The following PCDHGB2 variants were observed in gnomAD, a reference collection of about 807,000 sequenced individuals.
PCDHGB2 encodes protocadherin gamma-B2.
PCDHGB2 carries 55 observed loss-of-function variants against 59.3 expected under a neutral mutation model. The ratio of observed to expected loss-of-function variants is 0.93; its 90% CI spans 0.75 to 1.16. The LOEUF is 1.16. Ranked by LOEUF, PCDHGB2 falls within the 50% of genes most tolerant of loss-of-function variation. PCDHGB2 has a pLI of 0.00. For missense variants in PCDHGB2, 1,228 were observed against 1,198.5 expected (o/e 1.02, Z -0.36); for synonymous variants, 516 against 512.0 (o/e 1.01, Z -0.11).
chr5:141,367,937 T>G (rs1345542732), intron 1 of PCDHGB2, among the ~76,000 whole-genome samples: 1 of 152,236 alleles, frequency 6.6e-6, no homozygotes, highest in African/African-American at 2.4e-5. Flanking sequence ...TAAAGATGGT[T>G]CAAAATTTTA....
intron 1 of PCDHGB2, chr5:141,414,828 G>A (rs780047810): frequency 1.4e-5 from 22 of 1,614,092 alleles, no homozygotes; most frequent in Non-Finnish European, 1.8e-5. Flanking sequence ...GCAACGTGTC[G>A]TTGAGCCTGT....
At position 141,370,526 on chromosome 5, in the gene PCDHGB2, C is replaced by T. The variant is rs533530770; in HGVS notation, c.2421+7970C>T. 25 of 1,613,860 alleles carry T rather than the reference C, an allele frequency of 1.5e-5. No individual in the cohort carries two copies. In the East Asian group the frequency reaches 4.0e-4, roughly 26 times the overall value. ...CTATTCCCGAGGAGCTGGACAGGGG[C>T]TCGCTGGTAGGGAACCTCGCCAAGG... On this transcript the variant is annotated intron_variant, in intron 1 of 3. Transcript: ENST00000522605.
At chr5:141,442,129 G>T in intron 1 of PCDHGB2, 1 of 165,104 alleles carries the variant, frequency 6.1e-6, no homozygotes, top group Non-Finnish European at 1.3e-5. Flanking sequence ...CCGACAGCCT[G>T]CAGGAGACTC....
In PCDHGB2 at chr5:141,431,354, G is replaced by T. The variant is rs777198567; in HGVS notation, c.2422-63453G>T. The T allele has an allele frequency of 1.9e-6, 3 of 1,614,036 alleles. No individual in the cohort carries two copies. In the South Asian group the frequency reaches 3.3e-5, roughly 18 times the overall value. ...GTACCCCGAATTGGTGCTGAAACGC[G>T]CCCTGGACCGCGAAGAAAAGGCTGC... On this transcript the variant is annotated intron_variant, in intron 1 of 3. Coordinates refer to ENST00000522605, the MANE Select transcript of PCDHGB2 (RefSeq NM_018923.3). This position sits in a 1 kb window ranked among gnomAD's most constrained non-coding sequence, Gnocchi z 4.8.
chr5:141,391,780 T>C (rs1004185174), intron 1 of PCDHGB2: 1 of 152,220 alleles, frequency 6.6e-6, no homozygotes, highest in Non-Finnish European at 1.5e-5. Context: ...TAGTCATTAC[T>C]TTTTGCAGTT....
Position 141,512,270 on chromosome 5 carries a change from G to C in PCDHGB2, c.*1097G>C, listed in dbSNP as rs1188941232. On this transcript the variant is annotated 3_prime_UTR_variant, in exon 4 of 4. Transcript: ENST00000522605. ...TCTGTGGGTGCTGGGTACTCCAGAG[G>C]TGCCACTGGTGGAAGGGTCAGCGGA... 6.5e-6 allele frequency: 1 copy of C among 152,714 alleles called. No homozygotes were observed. The highest frequency in any genetic ancestry group is 2.4e-5 in the African/African-American group (1 of 41,452). The allele number at this position is 152,714 out of a possible 1,614,324, so 9.5% of individuals were successfully genotyped here. A position where few individuals can be genotyped will look rare whatever the true frequency, so the allele number is the denominator to read the frequency against.
chr5:141,375,962 C>T (rs763635174), intron 1 of PCDHGB2: 3 of 1,613,226 alleles, frequency 1.9e-6, no homozygotes, highest in African/African-American at 2.7e-5. Flanking sequence ...GGGCGAGGTG[C>T]GCACGGCGCG....
At chr5:141,409,243 AATC>A in intron 1 of PCDHGB2, 1 of 1,614,032 alleles carries the variant, frequency 6.2e-7, no homozygotes, top group South Asian at 1.1e-5. Context: ...GCCCAGAAAT[AATC>A]ATCACTTCTC....
intron 1 of PCDHGB2, among the ~76,000 whole-genome samples, chr5:141,450,006 C>CTATTTT (rs70988802): frequency 0.12 from 16,177 of 132,696 alleles, 1,810 homozygotes; most frequent in African/African-American, 0.21. Flanking sequence ...TGCCATGTCT[C>CTATTTT]TTTTTTTTTT....
chr5:141,472,339 A>T (rs1330302365), intron 1 of PCDHGB2, among the ~76,000 whole-genome samples: 1 of 151,906 alleles, frequency 6.6e-6, no homozygotes, highest in Non-Finnish European at 1.5e-5. Flanking sequence ...TGGGAGATCG[A>T]GACCATCCTG....
chr5:141,503,221 C>A (rs528636727), intron 2 of PCDHGB2, among the ~76,000 whole-genome samples: 2 of 151,956 alleles, frequency 1.3e-5, no homozygotes, highest in Non-Finnish European at 2.9e-5. Context: ...CCATGAGCAC[C>A]GTAAAGATGG....
In PCDHGB2 at chr5:141,360,638, A is replaced by G; in HGVS notation, c.503A>G (p.Gln168Arg). Residue 168 changes from glutamine to arginine, a missense_variant, in exon 1 of 4, where the codon CAA (glutamine) becomes CGA (arginine). This residue lies in a region of PCDHGB2 where 781 missense variants were observed against 721.6 expected (regional missense o/e 1.08). Transcript: ENST00000522605. Reference sequence around the variant, plus strand: ...TCAGATGTTGGTCCTAACTCACTACAAAGATACCACCTTAATGACAACGAG... The same window carrying G: ...TCAGATGTTGGTCCTAACTCACTACGAAGATACCACCTTAATGACAACGAG... ...LDSDVGPNSL[Q>R]RYHLNDNEYF... 6.2e-7 allele frequency: 1 copy of G among 1,614,016 alleles called. No homozygotes were observed. The highest frequency in any genetic ancestry group is 8.5e-7 in the Non-Finnish European group (1 of 1,179,898).
chr5:141,374,117 G>C, intron 1 of PCDHGB2: 2 of 1,587,566 alleles, frequency 1.3e-6, no homozygotes, highest in Non-Finnish European at 1.7e-6. Context: ...GCAGCGCAGC[G>C]AGCAGGTCCT....
At chr5:141,394,783 C>A in intron 1 of PCDHGB2, 7 of 1,613,732 alleles carry the variant, frequency 4.3e-6, no homozygotes, top group Non-Finnish European at 5.9e-6. Flanking sequence ...CTCTCCGCCA[C>A]TGTCACGCTC....
chr5:141,492,274 A>C (rs2099739010), intron 1 of PCDHGB2, among the ~76,000 whole-genome samples: 1 of 152,024 alleles, frequency 6.6e-6, no homozygotes, highest in Non-Finnish European at 1.5e-5. Flanking sequence ...CGGGCTCGCC[A>C]CGCCCCGCCA....
chr5:141,485,737 C>T lies in PCDHGB2; in HGVS notation c.2422-9070C>T. On this transcript the variant is annotated intron_variant, in intron 1 of 3. Coordinates refer to ENST00000522605, the MANE Select transcript of PCDHGB2 (RefSeq NM_018923.3). The surrounding 1 kb of genome is among the most constrained non-coding windows in gnomAD (Gnocchi z 5.7). ...TGGATGTGAAGAAGCGCAGCGACGGCAGCCTGGTCCCAGAGCTGCTCCTGG... is the reference window on the plus strand; with the variant it reads ...TGGATGTGAAGAAGCGCAGCGACGGTAGCCTGGTCCCAGAGCTGCTCCTGG... 6.2e-7 allele frequency: 1 copy of T among 1,614,222 alleles called. No individual in the cohort carries two copies. Among genetic ancestry groups the T allele is most frequent in the Non-Finnish European group, 8.5e-7 (1 of 1,180,036 alleles).
chr5:141,450,977 A>G (rs2098702822), intron 1 of PCDHGB2, among the ~76,000 whole-genome samples: 1 of 151,760 alleles, frequency 6.6e-6, no homozygotes, highest in African/African-American at 2.4e-5. Context: ...GGCATGTGCC[A>G]CCACACCCGG....
In PCDHGB2 at chr5:141,477,551, C is replaced by T. The variant is rs372055994; in HGVS notation, c.2422-17256C>T. ...CCTCCCCGGGGCTCCAATACTAAAC[C>T]TAAGTGTCTGGGACCCCGACGCCCC... On this transcript the variant is annotated intron_variant, in intron 1 of 3. Coordinates refer to ENST00000522605, the MANE Select transcript of PCDHGB2 (RefSeq NM_018923.3). The surrounding 1 kb of genome is among the most constrained non-coding windows in gnomAD (Gnocchi z 4.9). The T allele has an allele frequency of 8.1e-6, 13 of 1,614,060 alleles. No homozygotes were observed. Among genetic ancestry groups the T allele is most frequent in the Non-Finnish European group, 1.0e-5 (12 of 1,180,042 alleles).
At chr5:141,408,677 G>A (rs2095149334) in intron 1 of PCDHGB2, 1 of 1,613,898 alleles carries the variant, frequency 6.2e-7, no homozygotes. Flanking sequence ...CCCTGCCACG[G>A]ATCCTGATAT....
Sources: gnomAD v4.1 joint callset for allele counts (sites outside exome capture counted in the v4.1 genomes callset) on GRCh38, gnomAD v4.1.1 for gene constraint, gnomAD v4.1.1 regional missense constraint, Gnocchi (gnomAD v3.1) non-coding constraint, MANE v1.5 for transcripts, NCBI Gene and HGNC (gene_info 2026-07-23, HGNC 2026-07-21) for gene names.